Variants in PIK3R6 observed in about 807,000 individuals in gnomAD.
PIK3R6 encodes phosphoinositide 3-kinase regulatory subunit 6.
In PIK3R6, 91 loss-of-function variants were observed where a neutral mutation model predicts 84.9. That is an observed-to-expected ratio of 1.07 (90% confidence interval 0.90 to 1.28). The LOEUF is 1.28. Among genes scored for constraint, PIK3R6 ranks in the 50% most tolerant of loss-of-function variants. PIK3R6 has a pLI of 0.00. For missense variants in PIK3R6, 996 were observed against 985.1 expected (o/e 1.01, Z -0.15); for synonymous variants, 416 against 411.4 (o/e 1.01, Z -0.13).
intron 5 of PIK3R6, 109 bp downstream of exon 5, chr17:8,837,694 G>T (rs547345908): frequency 4.1e-6 from 4 of 966,290 alleles, no homozygotes; most frequent in Non-Finnish European, 4.8e-6. Flanking sequence ...CAATCCAAGG[G>T]ATTTTCTAGG....
At chr17:8,819,938 TTTTTATATATATATATA>T (rs1440112898) in intron 17 of PIK3R6, among the ~76,000 whole-genome samples, 10 of 115,178 alleles carry the variant, frequency 8.7e-5, no homozygotes, top group African/African-American at 4.7e-4. Flanking sequence ...TATATATATA[TTTTTATATATATATATA>T]TTTTTTTTTT....
At chr17:8,827,551 C>T (rs113900606) in intron 12 of PIK3R6, among the ~76,000 whole-genome samples, 9 of 152,134 alleles carry the variant, frequency 5.9e-5, no homozygotes, top group African/African-American at 2.2e-4. Context: ...ATGGCTTTGA[C>T]CTTACTGCTT....
At chr17:8,866,903 A>G (rs2089426005) in intron 1 of PIK3R6, among the ~76,000 whole-genome samples, 1 of 152,196 alleles carries the variant, frequency 6.6e-6, no homozygotes, top group Non-Finnish European at 1.5e-5. Flanking sequence ...GGCCTCGGTC[A>G]GACTCTGGCA....
chr17:8,829,493 C>CACAG (rs558703564), intron 10 of PIK3R6, among the ~76,000 whole-genome samples: 1,743 of 121,206 alleles, frequency 0.014, 59 homozygotes, highest in African/African-American at 0.037. Flanking sequence ...CACGCATACA[C>CACAG]ACACACTGAC....
intron 1 of PIK3R6, among the ~76,000 whole-genome samples, chr17:8,853,497 A>AAT (rs1555539290): frequency 2.1e-5 from 3 of 141,534 alleles, no homozygotes; most frequent in Non-Finnish European, 3.0e-5. Context: ...AAAAAAAAAA[A>AAT]AATAATAATA....
In PIK3R6 at chr17:8,838,996, G is replaced by A. The variant is rs528839916; in HGVS notation, c.98-341C>T. On this transcript the variant is annotated intron_variant, in intron 3 of 19. Coordinates refer to ENST00000619866, the MANE Select transcript of PIK3R6 (RefSeq NM_001010855.4). The stretch of plus-strand genomic sequence containing the variant: ...CGAGCCACATTCTGGAAGTCCTGCA[G>A]GCCTGGAGTGCTGAGGGGAATTAGG... 3.3e-5 allele frequency among the ~76,000 whole-genome samples: 5 copies of A among 152,338 alleles called. No individual in the cohort carries two copies. The East Asian group carries it at 9.6e-4, about 29-fold the overall frequency.
At chr17:8,838,083 G>C (rs1039017920) in intron 4 of PIK3R6, among the ~76,000 whole-genome samples, 2 of 152,128 alleles carry the variant, frequency 1.3e-5, no homozygotes. Flanking sequence ...GCGTGGGGGG[G>C]CCTCAGAGAA....
rs1279902892 is a variant in PIK3R6, at chr17:8,844,565, T to A, written c.14-4868A>T. 6.6e-6 allele frequency among the ~76,000 whole-genome samples: 1 copy of A among 152,144 alleles called. No individual in the cohort carries two copies. The highest frequency in any genetic ancestry group is 2.4e-5 in the African/African-American group (1 of 41,448). Reference sequence around the variant, plus strand: ...TATTATCCTCCTCTGCATCCAGGAATGTGGGATATTACTAATTAGGTATTA... The same window carrying A: ...TATTATCCTCCTCTGCATCCAGGAAAGTGGGATATTACTAATTAGGTATTA... On this transcript the variant is annotated intron_variant, in intron 2 of 19. Coordinates refer to ENST00000619866, the MANE Select transcript of PIK3R6 (RefSeq NM_001010855.4). The surrounding 1 kb of genome is among the most constrained non-coding windows in gnomAD (Gnocchi z 4.5).
At chr17:8,807,067 C>A (rs1273368487) in intron 18 of PIK3R6, among the ~76,000 whole-genome samples, 1 of 152,242 alleles carries the variant, frequency 6.6e-6, no homozygotes, top group African/African-American at 2.4e-5. Flanking sequence ...AAACAGAAAC[C>A]ACTTTAAGGA....
chr17:8,867,440 G>T, intron 1 of PIK3R6, 89 bp downstream of exon 1: 1 of 194,798 alleles, frequency 5.1e-6, no homozygotes, highest in South Asian at 8.3e-5. Flanking sequence ...CCCCCCAGGG[G>T]CTCCCCTTCC....
chr17:8,816,770 T>G (rs1232110353), intron 18 of PIK3R6, among the ~76,000 whole-genome samples: 1 of 152,206 alleles, frequency 6.6e-6, no homozygotes, highest in Non-Finnish European at 1.5e-5. Context: ...TCAATCACTA[T>G]CTGAATTGTG....
Position 8,867,639 on chromosome 17 carries a change from G to T in PIK3R6, c.-202C>A, listed in dbSNP as rs1233896687. On this transcript the variant is annotated 5_prime_UTR_variant, in exon 1 of 20. Coordinates refer to ENST00000619866, the MANE Select transcript of PIK3R6 (RefSeq NM_001010855.4). Reference sequence around the variant, plus strand: ...CAGATGTCTTGGGGGAGCCTCCACGGGTGTCTGTGGTCTTGACTGTGCTCT... The same window carrying T: ...CAGATGTCTTGGGGGAGCCTCCACGTGTGTCTGTGGTCTTGACTGTGCTCT... The T allele has an allele frequency of 2.0e-6, 1 of 491,998 alleles. No homozygotes were observed. The highest frequency in any genetic ancestry group is 5.8e-5 in the East Asian group (1 of 17,138). The allele number at this position is 491,998 out of a possible 1,614,324, so 30.5% of individuals were successfully genotyped here. A position where few individuals can be genotyped will look rare whatever the true frequency, so the allele number is the denominator to read the frequency against.
At chr17:8,857,037 G>A (rs183031026) in intron 1 of PIK3R6, among the ~76,000 whole-genome samples, 239 of 94,184 alleles carry the variant, frequency 2.5e-3, no homozygotes, top group African/African-American at 0.012. Flanking sequence ...TTCAGGTCTT[G>A]TTGTCAATGT....
rs944541570 is a variant in PIK3R6 at position 8,823,433 on chromosome 17, A to T, written c.1580T>A (p.Ile527Asn). Residue 527 changes from isoleucine (I) to asparagine (N), a missense_variant, in exon 14 of 20, where the codon ATC becomes AAC. Physicochemically the swap from Ile to Asn is moderately radical, Grantham distance 149. Coordinates refer to ENST00000619866, the MANE Select transcript of PIK3R6 (RefSeq NM_001010855.4). ...ATAGATGGGTTGGGTGCCCATGCGG[A>T]TGTAGTAGGTGATGACGTCTAGGAT... is the stretch of plus-strand genomic sequence containing the variant. ...PFILDVITYY[I>N]RMGTQPIYFQ... 3.1e-6 allele frequency: 5 copies of T among 1,612,482 alleles called. No individual in the cohort carries two copies. Among genetic ancestry groups the T allele is most frequent in the Non-Finnish European group, 4.2e-6 (5 of 1,178,928 alleles).
intron 1 of PIK3R6, among the ~76,000 whole-genome samples, chr17:8,863,840 CA>C (rs750798376): frequency 6.6e-6 from 1 of 152,134 alleles, no homozygotes; most frequent in Non-Finnish European, 1.5e-5. Flanking sequence ...GGCCAGTTTC[CA>C]AAAGGATGAT....
Position 8,839,805 on chromosome 17 carries a change from G to T in PIK3R6, c.14-108C>A. ...TAGCCATTTCTCTGAGCCTCAGGAG[G>T]TGCCCGAAGTAATCGACTTAGAGCT... is the stretch of plus-strand genomic sequence containing the variant. On this transcript the variant is annotated intron_variant, in intron 2 of 19. Transcript: ENST00000619866. The surrounding 1 kb of genome is among the most constrained non-coding windows in gnomAD (Gnocchi z 4.2). 2 of 884,034 alleles carry T rather than the reference G, an allele frequency of 2.3e-6. No individual in the cohort carries two copies. The highest frequency in any genetic ancestry group is 1.7e-6 in the Non-Finnish European group (1 of 590,336). The allele number at this position is 884,034 out of a possible 1,614,324, so 54.8% of individuals were successfully genotyped here. A position where few individuals can be genotyped will look rare whatever the true frequency, so the allele number is the denominator to read the frequency against.
intron 15 of PIK3R6, 67 bp downstream of exon 15, chr17:8,822,929 T>C (rs2087789639): frequency 3.8e-6 from 5 of 1,312,998 alleles, no homozygotes; most frequent in Non-Finnish European, 3.3e-6. Flanking sequence ...AGGTGAGAGG[T>C]GGAAGGATGA....
intron 18 of PIK3R6, among the ~76,000 whole-genome samples, chr17:8,804,473 G>A (rs1449081764): frequency 5.3e-5 from 8 of 152,104 alleles, no homozygotes; most frequent in South Asian, 2.1e-4. Context: ...AACATTTTCC[G>A]AGCACCTCCT....
intron 18 of PIK3R6, 143 bp from the exon 19 acceptor site, chr17:8,804,296 G>C (rs1464910965): frequency 2.9e-6 from 2 of 681,820 alleles, no homozygotes; most frequent in Admixed American, 4.4e-5. Context: ...ACTGAGGAGT[G>C]ACAACCCTGC....
Sources: allele counts gnomAD v4.1 joint callset (sites outside exome capture counted in the v4.1 genomes callset), GRCh38; gene constraint gnomAD v4.1.1; non-coding constraint Gnocchi (gnomAD v3.1); transcripts MANE v1.5; gene names NCBI Gene and HGNC (gene_info 2026-07-23, HGNC 2026-07-21).